The following DNAAF11 variants were observed in gnomAD, a reference collection of about 807,000 sequenced individuals.
DNAAF11 encodes the protein dynein axonemal assembly factor 11.
Under a neutral mutation model 60.8 loss-of-function variants are expected in DNAAF11, and 45 were observed. That is an observed-to-expected ratio of 0.74 (90% confidence interval 0.58 to 0.95). DNAAF11 has a LOEUF of 0.95. DNAAF11 is among the 40% of genes least tolerant of loss of function. The pLI is 0.00. For synonymous variants in DNAAF11, 191 were observed against 183.5 expected (o/e 1.04, Z -0.33); for missense variants, 546 against 546.2 (o/e 1.00, Z 0.00).
chr8:132,622,462 A>G, intron 7 of DNAAF11, 149 bp downstream of exon 7: 1 of 590,612 alleles, frequency 1.7e-6, no homozygotes, highest in Non-Finnish European at 3.0e-6. Context: ...TTAAATATGC[A>G]CCAAATGACA....
At chr8:132,621,347 C>A (rs547333174) in intron 7 of DNAAF11, among the ~76,000 whole-genome samples, 7 of 152,270 alleles carry the variant, frequency 4.6e-5, no homozygotes, top group African/African-American at 1.4e-4. Flanking sequence ...TGAAGTGGAT[C>A]AGCGCCATTT....
rs1288919186 is a variant in DNAAF11 at position 132,571,249 on chromosome 8, T to C, written c.*1057A>G. Among the ~76,000 whole-genome samples, 1 of 152,212 alleles carries C rather than the reference T, an allele frequency of 6.6e-6. No individual in the cohort carries two copies. Among genetic ancestry groups the C allele is most frequent in the African/African-American group, 2.4e-5 (1 of 41,458 alleles). On this transcript the variant is annotated 3_prime_UTR_variant, in exon 12 of 12. Transcript: ENST00000620350. ...CATAGTCTGTGTGTATGTATTTGTC[T>C]GCTTTGTTACTACTAAATCCCTGAT...
intron 11 of DNAAF11, among the ~76,000 whole-genome samples, chr8:132,573,811 C>A (rs1308891800): frequency 6.6e-6 from 1 of 152,072 alleles, no homozygotes; most frequent in African/African-American, 2.4e-5. Context: ...GTTTTTGATC[C>A]TTCACACTAT....
chr8:132,648,889 T>C (rs969221903), intron 3 of DNAAF11, among the ~76,000 whole-genome samples: 7 of 152,240 alleles, frequency 4.6e-5, no homozygotes, highest in Non-Finnish European at 1.0e-4. Flanking sequence ...GAACATTCCA[T>C]GCTCATGGAT....
chr8:132,657,809 A>G (rs1178835068), intron 2 of DNAAF11, among the ~76,000 whole-genome samples: 1 of 152,228 alleles, frequency 6.6e-6, no homozygotes, highest in East Asian at 1.9e-4. Context: ...CTATGAGGTC[A>G]AAACTATTGT....
intron 4 of DNAAF11, 26 bp from the exon 5 acceptor site, chr8:132,632,989 A>G: frequency 1.3e-6 from 2 of 1,518,958 alleles, no homozygotes; most frequent in Non-Finnish European, 1.8e-6. Flanking sequence ...TAAATATAGT[A>G]CAATTGTTCA....
intron 11 of DNAAF11, among the ~76,000 whole-genome samples, chr8:132,576,317 C>A (rs1295475101): frequency 6.6e-6 from 1 of 152,146 alleles, no homozygotes; most frequent in Non-Finnish European, 1.5e-5. Flanking sequence ...TTACTGAGTA[C>A]CTACTATGCA....
chr8:132,690,585 T>G, the DNAAF11 span, among the ~76,000 whole-genome samples: 7 of 152,188 alleles, frequency 4.6e-5, no homozygotes, highest in Non-Finnish European at 8.8e-5. Context: ...TGTTGATACA[T>G]TATTATGAAA....
intron 10 of DNAAF11, among the ~76,000 whole-genome samples, chr8:132,588,156 TA>T (rs1478509974): frequency 6.6e-6 from 1 of 152,216 alleles, no homozygotes. Context: ...AATAATTTCT[TA>T]TGGTTCAACT....
intron 10 of DNAAF11, among the ~76,000 whole-genome samples, chr8:132,606,403 G>A (rs1159085978): frequency 6.6e-6 from 1 of 152,214 alleles, no homozygotes; most frequent in Non-Finnish European, 1.5e-5. Context: ...TCCTGACCCT[G>A]TGTAGACCTA....
intron 9 of DNAAF11, among the ~76,000 whole-genome samples, chr8:132,610,868 ATGTTT>A (rs990474472): frequency 6.6e-6 from 1 of 151,626 alleles, no homozygotes; most frequent in Non-Finnish European, 1.5e-5. Context: ...CCCTTTTTCT[ATGTTT>A]TGTTTTATTT....
At chr8:132,684,699 C>T in the DNAAF11 span, among the ~76,000 whole-genome samples, 1 of 152,208 alleles carries the variant, frequency 6.6e-6, no homozygotes, top group African/African-American at 2.4e-5. Context: ...GCCAGTCTTT[C>T]TCTTTGGTCA....
At chr8:132,626,129 G>A (rs151054623) in intron 5 of DNAAF11, among the ~76,000 whole-genome samples, 2,216 of 151,526 alleles carry the variant, frequency 0.015, 65 homozygotes, top group African/African-American at 0.051. Flanking sequence ...TCTGCTCACC[G>A]CAAGCTCCGC....
intron 8 of DNAAF11, 24 bp downstream of exon 8, chr8:132,615,014 T>C (rs1166198803): frequency 1.3e-6 from 2 of 1,486,892 alleles, no homozygotes; most frequent in Non-Finnish European, 1.9e-6. Flanking sequence ...ATGTCATAAA[T>C]AAATACGTAG....
rs180870289 is a variant in DNAAF11 at position 132,637,784 on chromosome 8, A to C, written c.429+151T>G. On this transcript the variant is annotated intron_variant, in intron 4 of 11. Transcript: ENST00000620350. Reference sequence around the variant, plus strand: ...ATTAAAACTATTCAAACAATATTAAAGGTCTAGCCATTCAAATAATTACTT... The same window carrying C: ...ATTAAAACTATTCAAACAATATTAACGGTCTAGCCATTCAAATAATTACTT... 7.2e-5 allele frequency: 40 copies of C among 553,478 alleles called. No individual in the cohort carries two copies. In the East Asian group the frequency reaches 1.2e-3, roughly 16 times the overall value. 34.3% of individuals were successfully genotyped at this position (553,478 alleles called of 1,614,324 possible).
the DNAAF11 span, among the ~76,000 whole-genome samples, chr8:132,685,783 G>A: frequency 2.0e-3 from 305 of 152,218 alleles, 2 homozygotes; most frequent in African/African-American, 7.0e-3. Context: ...TTCCACCTGC[G>A]CTGTATCTCA....
intron 3 of DNAAF11, among the ~76,000 whole-genome samples, chr8:132,656,625 C>G (rs577025059): frequency 2.0e-5 from 3 of 152,228 alleles, no homozygotes; most frequent in African/African-American, 7.2e-5. Flanking sequence ...GTGCATGCCA[C>G]CACGCCTGGC....
chr8:132,681,753 T>C, the DNAAF11 span, among the ~76,000 whole-genome samples: 1 of 152,212 alleles, frequency 6.6e-6, no homozygotes, highest in Non-Finnish European at 1.5e-5. Flanking sequence ...AATTTATTTG[T>C]GCAAACTTCT....
chr8:132,620,877 T>G (rs955935730), intron 7 of DNAAF11, among the ~76,000 whole-genome samples: 1 of 151,966 alleles, frequency 6.6e-6, no homozygotes, highest in Non-Finnish European at 1.5e-5. Flanking sequence ...GAAAATGAAA[T>G]CGTGTGGCTG....
Sources: allele counts gnomAD v4.1 joint callset (sites outside exome capture counted in the v4.1 genomes callset), GRCh38; gene constraint gnomAD v4.1.1; transcripts MANE v1.5; gene names NCBI Gene and HGNC (gene_info 2026-07-23, HGNC 2026-07-21).